Variants in DLC1 observed in about 807,000 individuals in gnomAD.
DLC1 encodes the protein DLC1 Rho GTPase activating protein, also known as rho GTPase-activating protein 7.
A neutral mutation model predicts 140.3 loss-of-function variants in DLC1; 54 were observed. The observed-to-expected ratio is 0.38, with a 90% confidence interval of 0.31 to 0.48. The LOEUF is 0.48. DLC1 is among the 20% of genes least tolerant of loss of function. DLC1 has a pLI of 0.96. For missense variants in DLC1, 2,536 were observed against 1,907.0 expected, an observed-to-expected ratio of 1.33 and a Z score of -6.14; for synonymous variants, 986 against 728.1, an observed-to-expected ratio of 1.35 and a Z score of -5.70.
intron 1 of DLC1, among the ~76,000 whole-genome samples, chr8:13,560,016 C>A: frequency 6.6e-6 from 1 of 152,046 alleles, no homozygotes; most frequent in Admixed American, 6.5e-5. Flanking sequence ...GTCAGAAAAC[C>A]TAGATATTAT....
intron 5 of DLC1, among the ~76,000 whole-genome samples, chr8:13,266,767 CA>C (rs201347371): frequency 0.01 from 1,563 of 151,902 alleles, 21 homozygotes; most frequent in African/African-American, 0.035. Flanking sequence ...CAAAACAAAA[CA>C]AAAAAAGAGA....
chr8:13,232,381 T>A (rs945157026), intron 5 of DLC1, among the ~76,000 whole-genome samples: 1 of 152,154 alleles, frequency 6.6e-6, no homozygotes, highest in Non-Finnish European at 1.5e-5. Flanking sequence ...TCACCCAGGC[T>A]GGTGTGCAGT....
intron 1 of DLC1, among the ~76,000 whole-genome samples, chr8:13,599,654 G>T (rs1476738452): frequency 6.6e-6 from 1 of 151,928 alleles, no homozygotes; most frequent in Admixed American, 6.6e-5. Context: ...ATTAACAAAG[G>T]TCTAAATAAA....
At chr8:13,225,141 T>C (rs181127026) in intron 5 of DLC1, among the ~76,000 whole-genome samples, 27 of 152,330 alleles carry the variant, frequency 1.8e-4, no homozygotes, top group African/African-American at 6.3e-4. Flanking sequence ...CCATTTTAAA[T>C]AGAAAGCTGA....
At chr8:13,462,548 T>G (rs1382947177) in intron 2 of DLC1, among the ~76,000 whole-genome samples, 1 of 149,148 alleles carries the variant, frequency 6.7e-6, no homozygotes. Flanking sequence ...GGACTACAGG[T>G]GTCCGCCACC....
intron 1 of DLC1, among the ~76,000 whole-genome samples, chr8:13,600,592 G>A (rs1243503602): frequency 6.6e-6 from 1 of 151,818 alleles, no homozygotes; most frequent in African/African-American, 2.4e-5. Flanking sequence ...AAAAGAAAAA[G>A]TGGCAATGTA....
rs753541747 is a variant in DLC1 at position 13,313,407 on chromosome 8, G to C, written c.1315-8105C>G. ...AAAAATTAGAGGTGAATATGAACAC[G>C]TACAAGGTTTCTTACTGCCACTAAT... On this transcript the variant is annotated intron_variant, in intron 4 of 17. Coordinates refer to ENST00000276297, the MANE Select transcript of DLC1 (RefSeq NM_182643.3). Among the ~76,000 whole-genome samples, 11 of 152,172 alleles carry C rather than the reference G, an allele frequency of 7.2e-5. 1 individual carries two copies. Among genetic ancestry groups the C allele is most frequent in the Admixed American group, 6.5e-4 (10 of 15,274 alleles).
intron 2 of DLC1, among the ~76,000 whole-genome samples, chr8:13,495,856 T>C (rs1429420762): frequency 6.6e-6 from 1 of 152,220 alleles, no homozygotes; most frequent in Non-Finnish European, 1.5e-5. Context: ...ATCCCCCTTA[T>C]AAGCTCTTTT....
At chr8:13,354,305 T>C (rs1319157585) in intron 4 of DLC1, among the ~76,000 whole-genome samples, 2 of 152,166 alleles carry the variant, frequency 1.3e-5, no homozygotes, top group African/African-American at 4.8e-5. Context: ...TAATATACTT[T>C]ATTGTCTGTG....
rs527464431 is a variant in DLC1, at chr8:13,163,255, A to C, written c.1349-47598T>G. Reference sequence around the variant, plus strand: ...AAAAATATTAATCCACACCTTTAAGACACATTTTTACCTGCACTCAGTACT... The same window carrying C: ...AAAAATATTAATCCACACCTTTAAGCCACATTTTTACCTGCACTCAGTACT... On this transcript the variant is annotated intron_variant, in intron 5 of 17. Coordinates refer to ENST00000276297, the MANE Select transcript of DLC1 (RefSeq NM_182643.3). 2.2e-4 allele frequency among the ~76,000 whole-genome samples: 33 copies of C among 152,304 alleles called. No homozygotes were observed. The South Asian group carries it at 3.7e-3, about 17-fold the overall frequency.
intron 5 of DLC1, among the ~76,000 whole-genome samples, chr8:13,218,132 G>A (rs1263725374): frequency 6.6e-6 from 1 of 152,086 alleles, no homozygotes. Flanking sequence ...AAATCAATGG[G>A]TGATGGAAAG....
At chr8:13,557,184 C>T (rs921825658) in intron 1 of DLC1, among the ~76,000 whole-genome samples, 3 of 152,102 alleles carry the variant, frequency 2.0e-5, no homozygotes, top group African/African-American at 7.2e-5. Flanking sequence ...TTACATAAAA[C>T]CTTTAAACTG....
intron 6 of DLC1, among the ~76,000 whole-genome samples, chr8:13,112,153 A>G (rs1243095516): frequency 1.3e-5 from 2 of 152,130 alleles, no homozygotes; most frequent in Non-Finnish European, 2.9e-5. Flanking sequence ...CCTATCTGAA[A>G]AAAATAAATA....
At chr8:13,432,578 G>A (rs976187641) in intron 2 of DLC1, among the ~76,000 whole-genome samples, 1 of 152,118 alleles carries the variant, frequency 6.6e-6, no homozygotes, top group Non-Finnish European at 1.5e-5. Flanking sequence ...TCAATTTTAA[G>A]GTTGATTTTT....
At position 13,084,794 on chromosome 8, in the gene DLC1, G is replaced by C. The variant is rs1817419298; in HGVS notation, c.*1017C>G. On this transcript the variant is annotated 3_prime_UTR_variant, in exon 18 of 18. Coordinates refer to ENST00000276297, the MANE Select transcript of DLC1 (RefSeq NM_182643.3). Reference sequence around the variant, plus strand: ...GAGTTAAATTTACAGGGATTTCCTTGGGACACACATAGTTTCCTATATTCC... The same window carrying C: ...GAGTTAAATTTACAGGGATTTCCTTCGGACACACATAGTTTCCTATATTCC... 1 of 152,184 alleles carries C rather than the reference G, an allele frequency of 6.6e-6. No individual in the cohort carries two copies. The highest frequency in any genetic ancestry group is 1.5e-5 in the Non-Finnish European group (1 of 68,032). The allele number at this position is 152,184 out of a possible 1,614,324, so 9.4% of individuals were successfully genotyped here.
intron 5 of DLC1, among the ~76,000 whole-genome samples, chr8:13,279,601 A>G (rs753036927): frequency 1.2e-4 from 19 of 152,186 alleles, no homozygotes; most frequent in Non-Finnish European, 1.3e-4. Context: ...AGAGCTGACA[A>G]TTTGGCCTCT....
intron 5 of DLC1, among the ~76,000 whole-genome samples, chr8:13,260,124 C>G (rs1026239011): frequency 6.6e-6 from 1 of 152,156 alleles, no homozygotes; most frequent in African/African-American, 2.4e-5. Flanking sequence ...TAAATAGAAC[C>G]TTTCCAGATA....
At chr8:13,235,911 G>C (rs1829254837) in intron 5 of DLC1, among the ~76,000 whole-genome samples, 1 of 151,848 alleles carries the variant, frequency 6.6e-6, no homozygotes, top group Non-Finnish European at 1.5e-5. Context: ...TTGAAGACTA[G>C]AGCTTTTGCT....
chr8:13,600,760 C>G (rs956089151), intron 1 of DLC1, among the ~76,000 whole-genome samples: 2 of 151,412 alleles, frequency 1.3e-5, no homozygotes, highest in Non-Finnish European at 3.0e-5. Context: ...GTTCATGAAC[C>G]TTATCTACAG....
Sources: gnomAD v4.1 joint callset for allele counts (sites outside exome capture counted in the v4.1 genomes callset) on GRCh38, gnomAD v4.1.1 for gene constraint, MANE v1.5 for transcripts, NCBI Gene and HGNC (gene_info 2026-07-23, HGNC 2026-07-21) for gene names.